The following TRMU variants were observed in gnomAD, a reference collection of about 807,000 sequenced individuals.
TRMU encodes tRNA mitochondrial 2-thiouridylase, also known as mitochondrial tRNA-specific 2-thiouridylase 1.
In TRMU, 49 loss-of-function variants were observed where a neutral mutation model predicts 46.9. The ratio of observed to expected loss-of-function variants is 1.05; its 90% CI spans 0.83 to 1.33. The LOEUF (loss-of-function observed/expected upper bound fraction) is 1.33, where lower values mean the gene tolerates loss of function less well. Among genes scored for constraint, TRMU ranks in the 40% most tolerant of loss-of-function variants. TRMU has a pLI of 0.00. For missense variants in TRMU, 572 were observed against 532.4 expected, an observed-to-expected ratio of 1.07 and a Z score of -0.73; for synonymous variants, 241 against 200.9, an observed-to-expected ratio of 1.20 and a Z score of -1.69.
chr22:46,350,862 C>A lies in TRMU; in HGVS notation c.651+399C>A, dbSNP rs12160672. Among the ~76,000 whole-genome samples, 3 of 152,178 alleles carry A rather than the reference C, an allele frequency of 2.0e-5. No individual in the cohort carries two copies. Among genetic ancestry groups the A allele is most frequent in the African/African-American group, 7.2e-5 (3 of 41,424 alleles). ...TCATGTGCCCTGTCACCCGCTTGCCCGGCACAGACTCGTTCGGTGCCATCT... is the reference window on the plus strand; with the variant it reads ...TCATGTGCCCTGTCACCCGCTTGCCAGGCACAGACTCGTTCGGTGCCATCT... On this transcript the variant is annotated intron_variant, in intron 5 of 10. Transcript: ENST00000645190. The surrounding 1 kb of genome is among the most constrained non-coding windows in gnomAD (Gnocchi z 4.6).
rs374099865 is a variant in TRMU, at chr22:46,350,878, G to A, written c.651+415G>A. Reference sequence around the variant, plus strand: ...CCGCTTGCCCGGCACAGACTCGTTCGGTGCCATCTGTTCGGGCGCTGTGCT... The same window carrying A: ...CCGCTTGCCCGGCACAGACTCGTTCAGTGCCATCTGTTCGGGCGCTGTGCT... On this transcript the variant is annotated intron_variant, in intron 5 of 10. Transcript: ENST00000645190. This position sits in a 1 kb window ranked among gnomAD's most constrained non-coding sequence, Gnocchi z 4.6. 5.0e-4 allele frequency among the ~76,000 whole-genome samples: 76 copies of A among 152,330 alleles called. No individual in the cohort carries two copies. Among genetic ancestry groups the A allele is most frequent in the African/African-American group, 1.3e-3 (55 of 41,570 alleles).
chr22:46,353,710 G>C, intron 7 of TRMU, 57 bp from the exon 8 acceptor site: 1 of 1,530,354 alleles, frequency 6.5e-7, no homozygotes, highest in Non-Finnish European at 9.0e-7. Context: ...ATGATGAGGC[G>C]TGACATGTGG....
At chr22:46,353,968 C>T (rs763685916) in intron 8 of TRMU, 101 bp downstream of exon 8, 1 of 1,087,776 alleles carries the variant, frequency 9.2e-7, no homozygotes, top group Non-Finnish European at 1.4e-6. Context: ...GCCGTGGCTT[C>T]CTGGAGGCTG....
intron 1 of TRMU, 43 bp downstream of exon 1, chr22:46,335,889 C>A (rs765959209): frequency 2.0e-6 from 3 of 1,530,486 alleles, no homozygotes; most frequent in South Asian, 2.4e-5. Flanking sequence ...GCGAATGTGT[C>A]CCCGGAAACC....
At position 46,346,685 on chromosome 22, in the gene TRMU, A is replaced by G. The variant is rs529349089; in HGVS notation, c.478+141A>G. The stretch of plus-strand genomic sequence containing the variant: ...GTAGCTTGTATGGGATTCACATTTG[A>G]AAAGGTGCAGTTACCAAGAGGACAT... On this transcript the variant is annotated intron_variant, in intron 4 of 10. Transcript: ENST00000645190. The G allele has an allele frequency of 9.1e-4, 975 of 1,076,792 alleles. 3 individuals are homozygous for G. The highest frequency in any genetic ancestry group is 1.3e-3 in the Non-Finnish European group (930 of 738,256). The allele number at this position is 1,076,792 out of a possible 1,614,324, so 66.7% of individuals were successfully genotyped here. A position where few individuals can be genotyped will look rare whatever the true frequency, so the allele number is the denominator to read the frequency against.
In TRMU at chr22:46,337,903, T is replaced by C; in HGVS notation, c.207T>C (p.His69=). 1 of 1,614,214 alleles carries C rather than the reference T, an allele frequency of 6.2e-7. No individual in the cohort carries two copies. The highest frequency in any genetic ancestry group is 1.1e-5 in the South Asian group (1 of 91,092). The change falls in exon 2 of 11, where the codon CAT becomes CAC. Residue 69 remains histidine, a synonymous_variant. Transcript: ENST00000645190. ...GCCAGATCTTAGACATCCCTTTCCA[T>C]CAAGTGTCCTACGTAAAGGAGTATT... ...RVCQILDIPF[H]QVSYVKEYWN... is the part of the protein sequence containing the mutation.
Sources: gnomAD v4.1 joint callset for allele counts (sites outside exome capture counted in the v4.1 genomes callset) on GRCh38, gnomAD v4.1.1 for gene constraint, Gnocchi (gnomAD v3.1) non-coding constraint, MANE v1.5 for transcripts, NCBI Gene and HGNC (gene_info 2026-07-23, HGNC 2026-07-21) for gene names.